Variants in ZNF710 observed in about 807,000 individuals in gnomAD.
The protein encoded by ZNF710 is zinc finger protein 710.
ZNF710 carries 13 observed loss-of-function variants against 50.6 expected under a neutral mutation model. The observed-to-expected ratio is 0.26, with a 90% CI of 0.17 to 0.41. The LOEUF is 0.41. ZNF710 is among the 10% of genes least tolerant of loss of function. The pLI, the probability that ZNF710 is intolerant of heterozygous loss-of-function variation, is 1.00. For missense variants in ZNF710, 721 were observed against 936.6 expected (o/e 0.77, Z 3.01); for synonymous variants, 383 against 397.0 (o/e 0.96, Z 0.42).
At chr15:90,000,105 ATACT>A (rs1442718720), upstream of ZNF710, among the ~76,000 whole-genome samples, 3 of 151,616 alleles carry the variant, frequency 2.0e-5, no homozygotes, top group African/African-American at 7.3e-5. Context: ...CAGGTGCTCA[ATACT>A]TACTTGGGAA....
At chr15:90,003,169 C>G (rs1420068191) in intron 1 of ZNF710, among the ~76,000 whole-genome samples, 1 of 152,220 alleles carries the variant, frequency 6.6e-6, no homozygotes, top group Non-Finnish European at 1.5e-5. Context: ...TCGAGGTACT[C>G]GTCCTACTGG....
rs936653209 is a variant in ZNF710 at position 90,059,376 on chromosome 15, C to T, written c.-28-7734C>T. Reference sequence around the variant, plus strand: ...GGCTGCGGGGCCGGAGACCTGCATTCTAGCCCTTGCTCCCCCACCGTCTCA... The same window carrying T: ...GGCTGCGGGGCCGGAGACCTGCATTTTAGCCCTTGCTCCCCCACCGTCTCA... On this transcript the variant is annotated intron_variant, in intron 1 of 4. Coordinates refer to ENST00000268154, the MANE Select transcript of ZNF710 (RefSeq NM_198526.4). The surrounding 1 kb of genome is among the most constrained non-coding windows in gnomAD (Gnocchi z 4.1). 1.3e-5 allele frequency among the ~76,000 whole-genome samples: 2 copies of T among 152,250 alleles called. No individual in the cohort carries two copies. Among genetic ancestry groups the T allele is most frequent in the African/African-American group, 4.8e-5 (2 of 41,466 alleles).
rs1363002777 is a variant in ZNF710, at chr15:90,059,036, G to A, written c.-28-8074G>A. ...ATCTAGCTTAGCCAAGCACACAGCCGGGCACCATAGCTTAGCCAAGATGAC... is the reference window on the plus strand; with the variant it reads ...ATCTAGCTTAGCCAAGCACACAGCCAGGCACCATAGCTTAGCCAAGATGAC... On this transcript the variant is annotated intron_variant, in intron 1 of 4. Coordinates refer to ENST00000268154, the MANE Select transcript of ZNF710 (RefSeq NM_198526.4). The surrounding 1 kb of genome is among the most constrained non-coding windows in gnomAD (Gnocchi z 4.1). Among the ~76,000 whole-genome samples, 2 of 152,154 alleles carry A rather than the reference G, an allele frequency of 1.3e-5. No individual in the cohort carries two copies. Among genetic ancestry groups the A allele is most frequent in the African/African-American group, 2.4e-5 (1 of 41,414 alleles).
At chr15:90,066,141 G>A (rs1900163224) in intron 1 of ZNF710, among the ~76,000 whole-genome samples, 1 of 152,180 alleles carries the variant, frequency 6.6e-6, no homozygotes, top group African/African-American at 2.4e-5. Flanking sequence ...AACAACAACT[G>A]CTTGTGATAG....
At chr15:90,053,593 GC>G (rs1227599671) in intron 1 of ZNF710, among the ~76,000 whole-genome samples, 1 of 151,964 alleles carries the variant, frequency 6.6e-6, no homozygotes, top group Non-Finnish European at 1.5e-5. Context: ...TCCCTCCTTG[GC>G]CTCCCAAAGT....
chr15:90,048,025 A>G (rs1174957879), intron 1 of ZNF710, among the ~76,000 whole-genome samples: 1 of 152,242 alleles, frequency 6.6e-6, no homozygotes, highest in Non-Finnish European at 1.5e-5. Flanking sequence ...TGGCACCAGT[A>G]CCAGCCATAG....
chr15:90,061,524 C>T (rs1293924666), intron 1 of ZNF710, among the ~76,000 whole-genome samples: 2 of 152,116 alleles, frequency 1.3e-5, no homozygotes, highest in African/African-American at 4.8e-5. Context: ...AAAGAGTGTC[C>T]AGGTGGCCAC....
Position 90,068,205 on chromosome 15 carries a change from C to T in ZNF710, c.1068C>T (p.Cys356=). The T allele has an allele frequency of 6.2e-7, 1 of 1,613,904 alleles. No homozygotes were observed. Among genetic ancestry groups the T allele is most frequent in the Non-Finnish European group, 8.5e-7 (1 of 1,180,012 alleles). The change falls in exon 2 of 5, where the codon TGC becomes TGT. Residue 356 remains cysteine, a synonymous_variant. Coordinates refer to ENST00000268154, the MANE Select transcript of ZNF710 (RefSeq NM_198526.4). This position sits in a 1 kb window ranked among gnomAD's most constrained non-coding sequence, Gnocchi z 5.0. ...QGTRPHKCQV[C]HKAFTQTSHL... ...CCCGGCCCCACAAGTGCCAGGTATGCCACAAGGCCTTCACGCAGACCAGCC... is the reference window on the plus strand; with the variant it reads ...CCCGGCCCCACAAGTGCCAGGTATGTCACAAGGCCTTCACGCAGACCAGCC...
Position 90,068,495 on chromosome 15 carries a change from A to G in ZNF710, c.1358A>G (p.His453Arg). The G allele has an allele frequency of 6.2e-7, 1 of 1,613,980 alleles. No individual in the cohort carries two copies. Among genetic ancestry groups the G allele is most frequent in the Non-Finnish European group, 8.5e-7 (1 of 1,180,042 alleles). ...CACTACCGCAGCCAGTTGCAGAACC[A>G]CATGCTCAAGCACCAGAACGTGCGA... ...SFHYRSQLQN[H>R]MLKHQNVRPF... is the part of the protein sequence containing the mutation. The change falls in exon 2 of 5, where the codon CAC becomes CGC. Residue 453 changes from histidine (H) to arginine (R), a missense_variant. His to Arg is a conservative substitution (Grantham distance 29). Around this residue, in one of 3 missense-constraint regions of ZNF710, gnomAD observed 326 missense variants for 522.0 expected, o/e 0.62. Coordinates refer to ENST00000268154, the MANE Select transcript of ZNF710 (RefSeq NM_198526.4). This position sits in a 1 kb window ranked among gnomAD's most constrained non-coding sequence, Gnocchi z 5.0.
chr15:90,068,508 CCAGAACGTGCGACCCTTCGTGTG>C lies in ZNF710; in HGVS notation c.1374_1396del (p.Gln458HisfsTer2). The C allele has an allele frequency of 6.2e-7, 1 of 1,613,650 alleles. No individual in the cohort carries two copies. The highest frequency in any genetic ancestry group is 8.5e-7 in the Non-Finnish European group (1 of 1,180,040). ...AGTTGCAGAACCACATGCTCAAGCA[CCAGAACGTGCGACCCTTCGTGTG>C]CACTGAATGCGGCATGGAGTTCAGC... is the stretch of plus-strand genomic sequence containing the variant. On this transcript the variant is annotated frameshift_variant, in exon 2 of 5. Coordinates refer to ENST00000268154, the MANE Select transcript of ZNF710 (RefSeq NM_198526.4). LOFTEE classifies it high-confidence loss of function. This position sits in a 1 kb window ranked among gnomAD's most constrained non-coding sequence, Gnocchi z 5.0.
chr15:90,023,140 G>A (rs1034302414), intron 1 of ZNF710, among the ~76,000 whole-genome samples: 3 of 152,030 alleles, frequency 2.0e-5, no homozygotes, highest in Admixed American at 1.3e-4. Flanking sequence ...CCAAGGCCTC[G>A]CACCTATAAG....
chr15:89,998,895 C>G (rs1316275282), upstream of ZNF710, among the ~76,000 whole-genome samples: 2 of 152,196 alleles, frequency 1.3e-5, no homozygotes, highest in Non-Finnish European at 2.9e-5. Flanking sequence ...AAGTTATTCA[C>G]TGAAGTTATG....
chr15:90,010,029 T>G (rs1315176726), intron 1 of ZNF710, among the ~76,000 whole-genome samples: 1 of 152,154 alleles, frequency 6.6e-6, no homozygotes, highest in Non-Finnish European at 1.5e-5. Flanking sequence ...TGGGTCCTTT[T>G]CCTACCTCTC....
At chr15:90,063,340 G>A (rs1900068865) in intron 1 of ZNF710, among the ~76,000 whole-genome samples, 1 of 152,114 alleles carries the variant, frequency 6.6e-6, no homozygotes, top group Non-Finnish European at 1.5e-5. Context: ...GATTTCCTGG[G>A]GCGTGAGGTG....
chr15:90,028,300 G>A (rs980531335), intron 1 of ZNF710, among the ~76,000 whole-genome samples: 4 of 152,136 alleles, frequency 2.6e-5, no homozygotes, highest in African/African-American at 9.7e-5. Context: ...CCCTTCAATA[G>A]TTCCGCATAC....
chr15:90,012,290 A>ATTTTTTT (rs1026567607), intron 1 of ZNF710, among the ~76,000 whole-genome samples: 21 of 94,552 alleles, frequency 2.2e-4, no homozygotes, highest in South Asian at 3.5e-4. Flanking sequence ...TTGAGTGTGC[A>ATTTTTTT]TTTTTTTTTT....
At position 90,034,113 on chromosome 15, in the gene ZNF710, G is replaced by A. The variant is rs1329754653; in HGVS notation, c.-29+32499G>A. 6.6e-6 allele frequency among the ~76,000 whole-genome samples: 1 copy of A among 151,948 alleles called. No individual in the cohort carries two copies. The highest frequency in any genetic ancestry group is 6.6e-5 in the Admixed American group (1 of 15,266). Reference sequence around the variant, plus strand: ...CTCGGGAGGCTGAGGTGGGAGAATCGCTTGAACCCAGGAGGCAGAGGTTGC... The same window carrying A: ...CTCGGGAGGCTGAGGTGGGAGAATCACTTGAACCCAGGAGGCAGAGGTTGC... On this transcript the variant is annotated intron_variant, in intron 1 of 4. Transcript: ENST00000268154. The surrounding 1 kb of genome is among the most constrained non-coding windows in gnomAD (Gnocchi z 4.0).
intron 1 of ZNF710, among the ~76,000 whole-genome samples, chr15:90,015,117 T>G (rs1898415925): frequency 6.6e-6 from 1 of 152,084 alleles, no homozygotes; most frequent in African/African-American, 2.4e-5. Flanking sequence ...TCTTGAACTC[T>G]TGACCTCAGG....
At position 90,062,051 on chromosome 15, in the gene ZNF710, G is replaced by C. The variant is rs373927845; in HGVS notation, c.-28-5059G>C. Among the ~76,000 whole-genome samples, 2 of 151,782 alleles carry C rather than the reference G, an allele frequency of 1.3e-5. No homozygotes were observed. Among genetic ancestry groups the C allele is most frequent in the African/African-American group, 4.8e-5 (2 of 41,278 alleles). On this transcript the variant is annotated intron_variant, in intron 1 of 4. Coordinates refer to ENST00000268154, the MANE Select transcript of ZNF710 (RefSeq NM_198526.4). This position sits in a 1 kb window ranked among gnomAD's most constrained non-coding sequence, Gnocchi z 5.6. ...CTCAGGCCTGGGAGGTGGAGGTGCC[G>C]AGCCCTGGGAAATAGGGCAGTCCTG...
Sources: allele counts gnomAD v4.1 joint callset (sites outside exome capture counted in the v4.1 genomes callset), GRCh38; gene constraint gnomAD v4.1.1; regional missense constraint gnomAD v4.1.1; non-coding constraint Gnocchi (gnomAD v3.1); transcripts MANE v1.5; gene names NCBI Gene and HGNC (gene_info 2026-07-23, HGNC 2026-07-21).